Variants in RNF130 observed in about 807,000 individuals in gnomAD.
RNF130 encodes the protein E3 ubiquitin-protein ligase RNF130.
RNF130 carries 21 observed loss-of-function variants against 44.6 expected under a neutral mutation model. That is an observed-to-expected ratio of 0.47 (90% CI 0.33 to 0.68). The LOEUF (loss-of-function observed/expected upper bound fraction) is 0.68. Among genes scored for constraint, RNF130 ranks in the 30% least tolerant of loss-of-function variants. The pLI is 0.02. For synonymous variants in RNF130, 214 were observed against 210.4 expected (o/e 1.02, Z -0.15); for missense variants, 479 against 560.6 (o/e 0.85, Z 1.47).
chr5:179,996,163 T>C (rs1763192841), intron 3 of RNF130, among the ~76,000 whole-genome samples: 1 of 152,240 alleles, frequency 6.6e-6, no homozygotes, highest in Non-Finnish European at 1.5e-5. Flanking sequence ...CTTGCAGACG[T>C]TTCACCTCTT....
rs1554103680 is a variant in RNF130 at position 179,998,859 on chromosome 5, T to TATATATATATATA, written c.693+14201_693+14202insTATATATATATAT. On this transcript the variant is annotated intron_variant, in intron 3 of 8. Coordinates refer to ENST00000521389, the MANE Select transcript of RNF130 (RefSeq NM_018434.6). ...TCTCTCTCTTTAGATCTAGTATTTT[T>TATATATATATATA]TATATATATATATATATATATATAT... is the stretch of plus-strand genomic sequence containing the variant. 2.3e-3 allele frequency among the ~76,000 whole-genome samples: 200 copies of TATATATATATATA among 88,644 alleles called. 4 individuals are homozygous for TATATATATATATA. The highest frequency in any genetic ancestry group is 2.9e-3 in the East Asian group (9 of 3,090). The allele number at this position is 88,644 out of a possible 152,430, so 58.2% of individuals were successfully genotyped here.
intron 2 of RNF130, among the ~76,000 whole-genome samples, chr5:180,039,530 G>GA (rs1420905679): frequency 2.0e-5 from 3 of 152,164 alleles, no homozygotes; most frequent in Admixed American, 6.5e-5. Flanking sequence ...GGCTTAGTTT[G>GA]AAAGGAAGAA....
intron 7 of RNF130, among the ~76,000 whole-genome samples, chr5:179,937,898 A>G (rs1305350106): frequency 1.5e-5 from 2 of 135,738 alleles, no homozygotes; most frequent in African/African-American, 2.7e-5. Context: ...TATGCTTTCA[A>G]TGAATCTGTG....
chr5:180,022,665 C>T (rs1427333188), intron 2 of RNF130, among the ~76,000 whole-genome samples: 1 of 152,208 alleles, frequency 6.6e-6, no homozygotes, highest in Non-Finnish European at 1.5e-5. Context: ...TCTCCTTCTC[C>T]ATTTGAACTG....
At chr5:179,990,621 C>T (rs995919831) in intron 3 of RNF130, among the ~76,000 whole-genome samples, 2 of 152,156 alleles carry the variant, frequency 1.3e-5, no homozygotes, top group Admixed American at 6.5e-5. Flanking sequence ...TGCTAAGTAG[C>T]GGGTACATTT....
chr5:180,037,705 T>A (rs992288858), intron 2 of RNF130, among the ~76,000 whole-genome samples: 1 of 152,172 alleles, frequency 6.6e-6, no homozygotes, highest in Admixed American at 6.5e-5. Context: ...TACTCTAGAG[T>A]ATGTATCTGG....
intron 7 of RNF130, among the ~76,000 whole-genome samples, chr5:179,944,857 C>T (rs533969110): frequency 1.3e-5 from 2 of 152,212 alleles, no homozygotes; most frequent in African/African-American, 4.8e-5. Context: ...CTCCTAATTT[C>T]TCTGCATTAT....
intron 3 of RNF130, among the ~76,000 whole-genome samples, chr5:179,984,076 T>C (rs963046296): frequency 2.6e-5 from 4 of 152,188 alleles, no homozygotes; most frequent in Non-Finnish European, 4.4e-5. Context: ...CCAATTCAAT[T>C]ATTCATTACT....
chr5:180,012,772 C>T (rs186390966), intron 3 of RNF130, among the ~76,000 whole-genome samples: 43 of 152,256 alleles, frequency 2.8e-4, no homozygotes, highest in African/African-American at 1.0e-3. Flanking sequence ...TTTAAAAATG[C>T]AACTTTGTGC....
chr5:179,934,516 T>C (rs1266961512), intron 7 of RNF130, among the ~76,000 whole-genome samples: 1 of 151,010 alleles, frequency 6.6e-6, no homozygotes, highest in Non-Finnish European at 1.5e-5. Context: ...AACAACTTCG[T>C]GTTTGGTTGA....
chr5:179,952,427 A>AAAG (rs150904791), downstream of RNF130, among the ~76,000 whole-genome samples: 576 of 152,316 alleles, frequency 3.8e-3, 6 homozygotes, highest in African/African-American at 0.013. Flanking sequence ...CCAAATATCT[A>AAAG]AAGAATTAAC....
intron 7 of RNF130, among the ~76,000 whole-genome samples, chr5:179,921,051 T>C (rs868021203): frequency 1.3e-5 from 2 of 152,174 alleles, no homozygotes; most frequent in Non-Finnish European, 2.9e-5. Context: ...TATTTGACTA[T>C]CTGTGCTACT....
chr5:179,911,685 A>G (rs920075940), exon 8 of RNF130: 2 of 152,268 alleles, frequency 1.3e-5, no homozygotes, highest in Admixed American at 6.5e-5. Context: ...TGAAATGGTT[A>G]TATTAGCAAA....
At chr5:180,043,732 C>T (rs1361893955) in intron 1 of RNF130, among the ~76,000 whole-genome samples, 1 of 152,048 alleles carries the variant, frequency 6.6e-6, no homozygotes, top group African/African-American at 2.4e-5. Flanking sequence ...TGAACAACAG[C>T]ATGATCAAAA....
rs886442349 is a variant in RNF130, at chr5:179,925,813, G to A, written c.1151-5387C>T. 1.1e-4 allele frequency among the ~76,000 whole-genome samples: 16 copies of A among 152,142 alleles called. 1 individual carries two copies. The highest frequency in any genetic ancestry group is 3.6e-4 in the African/African-American group (15 of 41,424). ...CTCCTAAAGTGCTGGGATTACCTACGTGAGTCACCACACCTGGCTGGGTTT... is the reference window on the plus strand; with the variant it reads ...CTCCTAAAGTGCTGGGATTACCTACATGAGTCACCACACCTGGCTGGGTTT... On this transcript the variant is annotated intron_variant, in intron 7 of 7. Transcript: ENST00000522208.
chr5:180,059,007 C>T (rs1411035641), intron 1 of RNF130, among the ~76,000 whole-genome samples: 1 of 152,012 alleles, frequency 6.6e-6, no homozygotes, highest in Non-Finnish European at 1.5e-5. Context: ...CTTAAAACAC[C>T]AACAAAAATC....
exon 8 of RNF130, chr5:179,912,760 G>C (rs1343151924): frequency 3.3e-5 from 5 of 152,208 alleles, no homozygotes; most frequent in Admixed American, 6.5e-5. Context: ...CAAACATCTT[G>C]GTTCAGTACC....
rs567346029 is a variant in RNF130 at position 179,970,338 on chromosome 5, A to G, written c.945+72T>C. The G allele has an allele frequency of 8.7e-6, 10 of 1,150,912 alleles. No homozygotes were observed. The South Asian group carries it at 1.4e-4, about 16-fold the overall frequency. 71.3% of individuals were successfully genotyped at this position (1,150,912 alleles called of 1,614,324 possible). A position where few individuals can be genotyped will look rare whatever the true frequency, so the allele number is the denominator to read the frequency against. On this transcript the variant is annotated intron_variant, in intron 6 of 8. Transcript: ENST00000521389. ...CTTAGTCATGCCTCCTATTATGCCA[A>G]TTATGTTATATTGTATTACACATAC...
At chr5:179,970,299 G>T in intron 6 of RNF130, 111 bp downstream of exon 6, 1 of 741,456 alleles carries the variant, frequency 1.3e-6, no homozygotes, top group Non-Finnish European at 2.1e-6. Context: ...TATAGCCAGT[G>T]TTTTCTTCTG....
Sources: gnomAD v4.1 joint callset for allele counts (sites outside exome capture counted in the v4.1 genomes callset) on GRCh38, gnomAD v4.1.1 for gene constraint, MANE v1.5 for transcripts, NCBI Gene and HGNC (gene_info 2026-07-23, HGNC 2026-07-21) for gene names.